OGFOD3: variants seen among roughly 807,000 people sequenced by gnomAD.
OGFOD3 encodes the protein 2-oxoglutarate and iron dependent oxygenase domain containing 3.
Under a neutral mutation model 39.8 loss-of-function variants are expected in OGFOD3, and 35 were observed. The ratio of observed to expected loss-of-function variants is 0.88; its 90% CI spans 0.67 to 1.17. The LOEUF is 1.17. Ranked by LOEUF, OGFOD3 falls within the 50% of genes most tolerant of loss-of-function variation. The pLI, the probability that OGFOD3 is intolerant of heterozygous loss-of-function variation, is 0.00. For synonymous variants in OGFOD3, 200 were observed against 192.0 expected (o/e 1.04, Z -0.34); for missense variants, 438 against 454.5 (o/e 0.96, Z 0.33).
At chr17:82,413,110 T>C (rs974993079) in intron 2 of OGFOD3, among the ~76,000 whole-genome samples, 1 of 152,242 alleles carries the variant, frequency 6.6e-6, no homozygotes, top group Admixed American at 6.5e-5. Flanking sequence ...ATAGGTGTTG[T>C]ATTTCAAAAA....
intron 2 of OGFOD3, among the ~76,000 whole-genome samples, chr17:82,411,966 C>T (rs981173024): frequency 2.6e-5 from 4 of 151,732 alleles, no homozygotes; most frequent in African/African-American, 9.7e-5. Context: ...CCTCCTGAGG[C>T]CACCAGAGGG....
Position 82,404,188 on chromosome 17 carries a change from C to G in OGFOD3, c.546-98G>C, listed in dbSNP as rs1395393061. 3 of 1,361,212 alleles carry G rather than the reference C, an allele frequency of 2.2e-6. No homozygotes were observed. The highest frequency in any genetic ancestry group is 3.0e-5 in the South Asian group (2 of 66,752). 84.3% of individuals were successfully genotyped at this position (1,361,212 alleles called of 1,614,324 possible). A position where few individuals can be genotyped will look rare whatever the true frequency, so the allele number is the denominator to read the frequency against. On this transcript the variant is annotated intron_variant, in intron 6 of 8. Transcript: ENST00000313056. The surrounding 1 kb of genome is among the most constrained non-coding windows in gnomAD (Gnocchi z 4.5). ...GGCAGGAAAGGAACCAGCCTTCGTA[C>G]GGCTCCGGGCCCGCGGGGCGGGGGC...
At chr17:82,417,548 G>A (rs1271988813) in intron 1 of OGFOD3, among the ~76,000 whole-genome samples, 1 of 151,356 alleles carries the variant, frequency 6.6e-6, no homozygotes, top group Non-Finnish European at 1.5e-5. Flanking sequence ...GAACCCGGGA[G>A]GCAGAGGTTG....
At chr17:82,411,919 A>AGAG (rs976240207) in intron 2 of OGFOD3, among the ~76,000 whole-genome samples, 1 of 152,086 alleles carries the variant, frequency 6.6e-6, no homozygotes, top group Non-Finnish European at 1.5e-5. Context: ...AGACCGCCAG[A>AGAG]GAGGAAAACC....
rs571917743 is a variant in OGFOD3 at position 82,396,355 on chromosome 17, C to T, written c.823+1841G>A. ...ACATAGATACACACAATTAGATGTACGACATCAAATCACAGGTAAACACAC... is the reference window on the plus strand; with the variant it reads ...ACATAGATACACACAATTAGATGTATGACATCAAATCACAGGTAAACACAC... On this transcript the variant is annotated intron_variant, in intron 8 of 8. Transcript: ENST00000313056. Among the ~76,000 whole-genome samples the T allele has an allele frequency of 4.9e-3, 710 of 145,474 alleles. 18 individuals are homozygous for T. The highest frequency in any genetic ancestry group is 0.017 in the African/African-American group (683 of 39,250).
rs764494552 is a variant in OGFOD3 at position 82,392,433 on chromosome 17, G to A, written c.925C>T (p.Pro309Ser). 1.2e-6 allele frequency: 2 copies of A among 1,612,806 alleles called. No homozygotes were observed. The highest frequency in any genetic ancestry group is 2.2e-5 in the South Asian group (2 of 90,694). The change falls in exon 9 of 9, where the codon CCC (proline) becomes TCC (serine). Residue 309 changes from proline to serine, a missense_variant. Transcript: ENST00000313056. The surrounding 1 kb of genome is among the most constrained non-coding windows in gnomAD (Gnocchi z 4.2). ...GCTGGGTCCTCGATGCCATGGTCGG[G>A]GTTGCAGCTGAAGGCGATGGTGATG... Reference protein sequence around the residue: ...YAITIAFSCNPDHGIEDPAFP With the variant: ...YAITIAFSCNSDHGIEDPAFP
At chr17:82,410,064 C>T (rs1264560555) in intron 3 of OGFOD3, among the ~76,000 whole-genome samples, 1 of 152,218 alleles carries the variant, frequency 6.6e-6, no homozygotes, top group East Asian at 1.9e-4. Context: ...GTGGGGGAAG[C>T]TTTGAGATTC....
chr17:82,411,682 G>A (rs1198479999), intron 2 of OGFOD3, 152 bp from the exon 3 acceptor site: 3 of 618,080 alleles, frequency 4.9e-6, no homozygotes, highest in Non-Finnish European at 8.6e-6. Context: ...TGCGCTTTGT[G>A]CGGTGCATCT....
chr17:82,406,597 T>G lies in OGFOD3; in HGVS notation c.424-115A>C. 2 of 876,964 alleles carry G rather than the reference T, an allele frequency of 2.3e-6. No homozygotes were observed. Among genetic ancestry groups the G allele is most frequent in the East Asian group, 2.6e-5 (1 of 38,698 alleles). The allele number at this position is 876,964 out of a possible 1,614,324, so 54.3% of individuals were successfully genotyped here. On this transcript the variant is annotated intron_variant, in intron 4 of 8. Transcript: ENST00000313056. The surrounding 1 kb of genome is among the most constrained non-coding windows in gnomAD (Gnocchi z 5.2). ...TCTGGCCAGCACACACCTCAGGTGT[T>G]TTTTTGTTTTTGTTTTTGTTTTTTG...
chr17:82,403,595 C>A (rs1433349854), intron 7 of OGFOD3, among the ~76,000 whole-genome samples: 1 of 152,202 alleles, frequency 6.6e-6, no homozygotes, highest in African/African-American at 2.4e-5. Flanking sequence ...CGCGCCACTG[C>A]ACTCCATCCT....
chr17:82,400,357 A>G (rs2052744130), intron 7 of OGFOD3, among the ~76,000 whole-genome samples: 1 of 152,208 alleles, frequency 6.6e-6, no homozygotes, highest in Non-Finnish European at 1.5e-5. Flanking sequence ...GGGAGACCAG[A>G]GTAAGACAGA....
chr17:82,398,829 T>C (rs1446597653), intron 7 of OGFOD3, among the ~76,000 whole-genome samples: 1 of 151,268 alleles, frequency 6.6e-6, no homozygotes, highest in East Asian at 1.9e-4. Context: ...TGCCTCAGCA[T>C]CCCGGGTAGC....
At chr17:82,418,028 G>A (rs1231813883) in intron 1 of OGFOD3, among the ~76,000 whole-genome samples, 3 of 152,234 alleles carry the variant, frequency 2.0e-5, no homozygotes, top group Non-Finnish European at 4.4e-5. Context: ...TGGTTTAAAA[G>A]TGAAGGCGGA....
chr17:82,405,275 C>T (rs1324868412), intron 6 of OGFOD3, 49 bp downstream of exon 6: 3 of 1,543,652 alleles, frequency 1.9e-6, no homozygotes, highest in South Asian at 2.2e-5. Flanking sequence ...CACCCCTCAG[C>T]CCCAGGCCAC....
Position 82,392,318 on chromosome 17 carries a change from G to A in OGFOD3, c.*80C>T. Reference sequence around the variant, plus strand: ...AAGGCACTCTGTGCAACAGGAGCGGGTGGACGTGGGGGTGGGTGCACGACT... The same window carrying A: ...AAGGCACTCTGTGCAACAGGAGCGGATGGACGTGGGGGTGGGTGCACGACT... On this transcript the variant is annotated 3_prime_UTR_variant, in exon 9 of 9. Coordinates refer to ENST00000313056, the MANE Select transcript of OGFOD3 (RefSeq NM_024648.3). This position sits in a 1 kb window ranked among gnomAD's most constrained non-coding sequence, Gnocchi z 4.2. 6.8e-7 allele frequency: 1 copy of A among 1,474,826 alleles called. No homozygotes were observed. The highest frequency in any genetic ancestry group is 9.2e-7 in the Non-Finnish European group (1 of 1,085,398). The allele number at this position is 1,474,826 out of a possible 1,614,324, so 91.4% of individuals were successfully genotyped here. A position where few individuals can be genotyped will look rare whatever the true frequency, so the allele number is the denominator to read the frequency against.
intron 4 of OGFOD3, among the ~76,000 whole-genome samples, chr17:82,407,161 A>G (rs1025125282): frequency 1.3e-5 from 2 of 151,792 alleles, no homozygotes; most frequent in African/African-American, 4.8e-5. Flanking sequence ...GCTACTTGGG[A>G]GGCTGAGGCA....
chr17:82,395,260 G>A (rs944596986), intron 8 of OGFOD3, among the ~76,000 whole-genome samples: 12 of 152,086 alleles, frequency 7.9e-5, no homozygotes, highest in African/African-American at 2.2e-4. Flanking sequence ...TTGAACTCCC[G>A]AGCTCAAACG....
chr17:82,409,374 G>A lies in OGFOD3; in HGVS notation c.417C>T (p.Asp139=), dbSNP rs542320999. The A allele has an allele frequency of 2.0e-5, 33 of 1,613,962 alleles. No individual in the cohort carries two copies. Among genetic ancestry groups the A allele is most frequent in the Admixed American group, 1.2e-4 (7 of 60,024 alleles). ...GGGACTACATTCAACTCACCCCTCCGTCAGATCCTCCCAGGGAGAGCCCCT... is the reference window on the plus strand; with the variant it reads ...GGGACTACATTCAACTCACCCCTCCATCAGATCCTCCCAGGGAGAGCCCCT... ...AEKGLSLGGS[D]GGASILDLHS... is the part of the protein sequence containing the mutation. Residue 139 remains aspartate, a synonymous_variant, in exon 4 of 9, where the codon GAC becomes GAT. Transcript: ENST00000313056.
In OGFOD3 at chr17:82,391,960, C is replaced by T. The variant is rs993341848; in HGVS notation, c.*438G>A. On this transcript the variant is annotated 3_prime_UTR_variant, in exon 9 of 9. Coordinates refer to ENST00000313056, the MANE Select transcript of OGFOD3 (RefSeq NM_024648.3). The surrounding 1 kb of genome is among the most constrained non-coding windows in gnomAD (Gnocchi z 5.1). ...CACGGACCCTTCTCCAAAGCTGCTG[C>T]GGTTTGCTGATGCCGAGACCCCGAA... is the stretch of plus-strand genomic sequence containing the variant. 2.3e-5 allele frequency: 4 copies of T among 175,500 alleles called. No homozygotes were observed. Among genetic ancestry groups the T allele is most frequent in the Non-Finnish European group, 3.6e-5 (3 of 82,522 alleles). 10.9% of individuals were successfully genotyped at this position (175,500 alleles called of 1,614,324 possible).
Sources: gnomAD v4.1 joint callset for allele counts (sites outside exome capture counted in the v4.1 genomes callset) on GRCh38, gnomAD v4.1.1 for gene constraint, Gnocchi (gnomAD v3.1) non-coding constraint, MANE v1.5 for transcripts, NCBI Gene and HGNC (gene_info 2026-07-23, HGNC 2026-07-21) for gene names.